The following EIF3A variants were observed in gnomAD, a reference collection of about 807,000 sequenced individuals.
The protein encoded by EIF3A is eukaryotic translation initiation factor 3 subunit A, also known as EIF3, p180 subunit.
Under a neutral mutation model 186.6 loss-of-function variants are expected in EIF3A, and 21 were observed. The ratio of observed to expected loss-of-function variants is 0.11; its 90% CI spans 0.08 to 0.16. The LOEUF (loss-of-function observed/expected upper bound fraction) is 0.16. EIF3A is among the 10% of genes least tolerant of loss of function. The pLI is 1.00. For synonymous variants in EIF3A, 563 were observed against 584.3 expected (o/e 0.96, Z 0.52); for missense variants, 1,306 against 1,796.3 (o/e 0.73, Z 4.93).
chr10:119,077,964 T>C (rs530318960), intron 1 of EIF3A, among the ~76,000 whole-genome samples: 1 of 152,300 alleles, frequency 6.6e-6, no homozygotes, highest in African/African-American at 2.4e-5. Flanking sequence ...ATTAATATTA[T>C]AGAAATAAAA....
rs1844064743 is a variant in EIF3A, at chr10:119,071,214, G to T, written c.542-129C>A. The T allele has an allele frequency of 5.8e-6, 4 of 683,840 alleles. No individual in the cohort carries two copies. The Admixed American group carries it at 1.0e-4, about 17-fold the overall frequency. 42.4% of individuals were successfully genotyped at this position (683,840 alleles called of 1,614,324 possible). A position where few individuals can be genotyped will look rare whatever the true frequency, so the allele number is the denominator to read the frequency against. On this transcript the variant is annotated intron_variant, in intron 4 of 21. Transcript: ENST00000369144. ...CACCAAACTCATCATTAGTCTTTGTGATGCAATGAGAATCAACTTATTTCA... is the reference window on the plus strand; with the variant it reads ...CACCAAACTCATCATTAGTCTTTGTTATGCAATGAGAATCAACTTATTTCA...
intron 5 of EIF3A, among the ~76,000 whole-genome samples, chr10:119,070,567 A>G (rs1023453069): frequency 6.6e-6 from 1 of 151,796 alleles, no homozygotes; most frequent in Non-Finnish European, 1.5e-5. Context: ...TACTTATTTC[A>G]TCACAGACCA....
Position 119,042,659 on chromosome 10 carries a change from T to A in EIF3A, c.2861A>T (p.Asp954Val), listed in dbSNP as rs1225512854. 1 of 1,614,118 alleles carries A rather than the reference T, an allele frequency of 6.2e-7. No homozygotes were observed. Among genetic ancestry groups the A allele is most frequent in the African/African-American group, 1.3e-5 (1 of 74,942 alleles). The change falls in exon 19 of 22, where the codon GAT (aspartate) becomes GTT (valine). Residue 954 changes from aspartate to valine, a missense_variant. This residue lies in a region of EIF3A where 410 missense variants were observed against 473.5 expected (regional missense o/e 0.87). Transcript: ENST00000369144. The surrounding 1 kb of genome is among the most constrained non-coding windows in gnomAD (Gnocchi z 7.8). ...EDREPSLRPD[D>V]DRVPRRGMDD... ...CATGCCACGCCGGGGAACCCGATCA[T>A]CGTCTGGTCTAAGAGAGGGCTCTCT...
At chr10:119,073,128 G>T (rs940785755) in intron 3 of EIF3A, 75 bp from the exon 4 acceptor site, 7 of 1,405,912 alleles carry the variant, frequency 5.0e-6, no homozygotes, top group African/African-American at 2.9e-5. Context: ...CCAAAACAAT[G>T]TTCATCAGAA....
At position 119,037,125 on chromosome 10, in the gene EIF3A, C is replaced by T. The variant is rs748468977; in HGVS notation, c.3913G>A (p.Glu1305Lys). The T allele has an allele frequency of 3.6e-5, 51 of 1,434,550 alleles. No individual in the cohort carries two copies. Among genetic ancestry groups the T allele is most frequent in the Non-Finnish European group, 4.8e-5 (51 of 1,067,642 alleles). The allele number at this position is 1,434,550 out of a possible 1,614,324, so 88.9% of individuals were successfully genotyped here. The change falls in exon 21 of 22, where the codon GAA becomes AAA. Residue 1305 changes from glutamate to lysine, a missense_variant. Glu to Lys is a moderately conservative substitution (Grantham distance 56). Coordinates refer to ENST00000369144, the MANE Select transcript of EIF3A (RefSeq NM_003750.4). ...RRGPPLRSER[E>K]EVSSWRRADD... Reference sequence around the variant, plus strand: ...TTGTATGTAACCTCTATACCTTCTTCACGTTCTGATCTGAGTGGAGGTCCT... The same window carrying T: ...TTGTATGTAACCTCTATACCTTCTTTACGTTCTGATCTGAGTGGAGGTCCT...
chr10:119,054,892 T>C (rs887539423), intron 14 of EIF3A, among the ~76,000 whole-genome samples: 1 of 152,106 alleles, frequency 6.6e-6, no homozygotes, highest in Non-Finnish European at 1.5e-5. Flanking sequence ...CATTGTGGAA[T>C]TGTTAATTAG....
chr10:119,061,339 C>T lies in EIF3A; in HGVS notation c.1123-11G>A. ...TACATTAAATCTGACCTACAGTAAG[C>T]AAAACAAAAGATGTAACTGCCAAAG... On this transcript the variant is annotated splice_polypyrimidine_tract_variant and intron_variant, in intron 7 of 21. Transcript: ENST00000369144. 1.5e-6 allele frequency: 2 copies of T among 1,306,066 alleles called. No individual in the cohort carries two copies. Among genetic ancestry groups the T allele is most frequent in the Non-Finnish European group, 2.1e-6 (2 of 937,154 alleles). 80.9% of individuals were successfully genotyped at this position (1,306,066 alleles called of 1,614,324 possible).
chr10:119,057,759 G>C (rs935919310), intron 12 of EIF3A, among the ~76,000 whole-genome samples, 197 bp downstream of exon 12: 8 of 151,942 alleles, frequency 5.3e-5, no homozygotes, highest in African/African-American at 1.7e-4. Flanking sequence ...TGGGCGACAA[G>C]ATAATACTCC....
chr10:119,067,955 C>T (rs192910072), intron 6 of EIF3A, among the ~76,000 whole-genome samples: 1 of 152,064 alleles, frequency 6.6e-6, no homozygotes, highest in Non-Finnish European at 1.5e-5. Flanking sequence ...GGATTACAGG[C>T]GTGCACCACC....
At chr10:119,076,578 TG>T (rs1303507379) in intron 1 of EIF3A, among the ~76,000 whole-genome samples, 1 of 35,304 alleles carries the variant, frequency 2.8e-5, no homozygotes, top group Non-Finnish European at 5.4e-5. Context: ...GGGGTGGGGG[TG>T]GGAGGGAAAA....
chr10:119,055,928 T>G (rs1219418196), intron 14 of EIF3A, among the ~76,000 whole-genome samples: 1 of 152,124 alleles, frequency 6.6e-6, no homozygotes. Flanking sequence ...TCTAATTAGT[T>G]TTTAATTATT....
At chr10:119,078,983 T>C (rs761443548) in intron 1 of EIF3A, among the ~76,000 whole-genome samples, 8 of 152,138 alleles carry the variant, frequency 5.3e-5, no homozygotes, top group Non-Finnish European at 1.2e-4. Flanking sequence ...AGCATGCAAA[T>C]GACTGTAAAA....
intron 15 of EIF3A, 45 bp downstream of exon 15, chr10:119,051,154 T>G (rs1848350918): frequency 6.4e-7 from 1 of 1,562,418 alleles, no homozygotes; most frequent in Admixed American, 2.0e-5. Context: ...AGGCCAATAC[T>G]AGAAAGCTCA....
chr10:119,063,394 T>C (rs76473913), intron 7 of EIF3A, among the ~76,000 whole-genome samples: 13,771 of 152,302 alleles, frequency 0.09, 820 homozygotes, highest in Middle Eastern at 0.14. Context: ...TTATTTGTTC[T>C]TAAATTGACT....
rs555663837 is a variant in EIF3A at position 119,080,808 on chromosome 10, G to C, written c.-132C>G. On this transcript the variant is annotated 5_prime_UTR_variant, in exon 1 of 22. Transcript: ENST00000369144. ...AGTCGCCCGCGCCCAGCCGGCCAGA[G>C]ACGGAAAGGAAGGAGCCACGTGACC... The C allele has an allele frequency of 2.8e-6, 4 of 1,422,696 alleles. No homozygotes were observed. The highest frequency in any genetic ancestry group is 1.5e-5 in the African/African-American group (1 of 66,616). 88.1% of individuals were successfully genotyped at this position (1,422,696 alleles called of 1,614,324 possible). A position where few individuals can be genotyped will look rare whatever the true frequency, so the allele number is the denominator to read the frequency against.
intron 1 of EIF3A, among the ~76,000 whole-genome samples, chr10:119,074,961 A>AAGC (rs1844139371): frequency 7.0e-6 from 1 of 143,524 alleles, no homozygotes; most frequent in Non-Finnish European, 1.5e-5. Context: ...ATGGAATACA[A>AAGC]AGCAAAATAA....
At chr10:119,076,741 G>A (rs1398084244) in intron 1 of EIF3A, among the ~76,000 whole-genome samples, 1 of 152,026 alleles carries the variant, frequency 6.6e-6, no homozygotes, top group Non-Finnish European at 1.5e-5. Flanking sequence ...TTCCAGATCA[G>A]CCTGGGCAAC....
In EIF3A at chr10:119,058,332, G is replaced by T; in HGVS notation, c.1630-29C>A. Reference sequence around the variant, plus strand: ...CAAAAACAAATGAATTTTTTTACATGACCAAAATTAACATTCTCTGGTATT... The same window carrying T: ...CAAAAACAAATGAATTTTTTTACATTACCAAAATTAACATTCTCTGGTATT... On this transcript the variant is annotated intron_variant, in intron 11 of 21. Coordinates refer to ENST00000369144, the MANE Select transcript of EIF3A (RefSeq NM_003750.4). The T allele has an allele frequency of 2.0e-6, 3 of 1,469,670 alleles. No individual in the cohort carries two copies. The South Asian group carries it at 3.8e-5, about 19-fold the overall frequency. The allele number at this position is 1,469,670 out of a possible 1,614,324, so 91.0% of individuals were successfully genotyped here.
chr10:119,038,529 T>C (rs2119817332), intron 19 of EIF3A, 90 bp from the exon 20 acceptor site: 2 of 1,046,796 alleles, frequency 1.9e-6, no homozygotes, highest in South Asian at 3.1e-5. Context: ...CATTAATTCA[T>C]CATCATTCTA....
Sources: allele counts gnomAD v4.1 joint callset (sites outside exome capture counted in the v4.1 genomes callset), GRCh38; gene constraint gnomAD v4.1.1; regional missense constraint gnomAD v4.1.1; non-coding constraint Gnocchi (gnomAD v3.1); transcripts MANE v1.5; gene names NCBI Gene and HGNC (gene_info 2026-07-23, HGNC 2026-07-21).